Variants in MAGI1 observed in about 807,000 individuals in gnomAD.
MAGI1 encodes membrane-associated guanylate kinase, WW and PDZ domain-containing protein 1.
A neutral mutation model predicts 139.9 loss-of-function variants in MAGI1; 58 were observed. The ratio of observed to expected loss-of-function variants is 0.41; its 90% CI spans 0.34 to 0.52. The LOEUF (loss-of-function observed/expected upper bound fraction) is 0.52. MAGI1 is among the 20% of genes least tolerant of loss of function. The pLI, the probability that MAGI1 is intolerant of heterozygous loss-of-function variation, is 0.12. For synonymous variants in MAGI1, 812 were observed against 737.9 expected (o/e 1.10, Z -1.63); for missense variants, 1,874 against 1,901.6 (o/e 0.99, Z 0.27).
chr3:65,474,610 T>TATACAC (rs1950751994), intron 4 of MAGI1, among the ~76,000 whole-genome samples: 1 of 96,104 alleles, frequency 1.0e-5, no homozygotes, highest in East Asian at 1.0e-3. Flanking sequence ...TCCAAGCTTT[T>TATACAC]ATACACACAC....
intron 1 of MAGI1, among the ~76,000 whole-genome samples, chr3:65,666,289 C>G (rs528330189): frequency 3.3e-5 from 5 of 152,282 alleles, no homozygotes; most frequent in African/African-American, 1.2e-4. Context: ...AAAAGATAAT[C>G]AGAGATACTA....
intron 2 of MAGI1, among the ~76,000 whole-genome samples, chr3:65,564,064 C>T (rs2080492202): frequency 6.6e-6 from 1 of 152,034 alleles, no homozygotes; most frequent in Non-Finnish European, 1.5e-5. Flanking sequence ...ATGCATATCT[C>T]CAGAGGCTGA....
At chr3:65,669,171 G>A (rs1383534431) in intron 1 of MAGI1, among the ~76,000 whole-genome samples, 1 of 152,126 alleles carries the variant, frequency 6.6e-6, no homozygotes, top group Non-Finnish European at 1.5e-5. Context: ...TCCTGACCCT[G>A]TGAGCCATTG....
intron 1 of MAGI1, among the ~76,000 whole-genome samples, chr3:65,656,595 C>T (rs1409265424): frequency 6.6e-6 from 1 of 151,220 alleles, no homozygotes; most frequent in Non-Finnish European, 1.5e-5. Context: ...ACTTCTTACT[C>T]CGAGTGGGGG....
At chr3:65,610,736 T>C (rs547542046) in intron 2 of MAGI1, among the ~76,000 whole-genome samples, 3 of 28,040 alleles carry the variant, frequency 1.1e-4, no homozygotes, top group Non-Finnish European at 3.7e-4. Flanking sequence ...ACAAATATAG[T>C]ATATAGTATA....
chr3:65,508,898 G>A, intron 2 of MAGI1, among the ~76,000 whole-genome samples: 1 of 152,200 alleles, frequency 6.6e-6, no homozygotes, highest in African/African-American at 2.4e-5. Context: ...AGCAACTGCT[G>A]ATCAAGGGCA....
intron 1 of MAGI1, among the ~76,000 whole-genome samples, chr3:65,825,235 C>T (rs554859381): frequency 6.6e-6 from 1 of 152,326 alleles, no homozygotes; most frequent in Non-Finnish European, 1.5e-5. Context: ...ATGGCACATT[C>T]TTTTTTTCCA....
At chr3:65,658,037 G>T (rs1283745341) in intron 1 of MAGI1, among the ~76,000 whole-genome samples, 1 of 152,142 alleles carries the variant, frequency 6.6e-6, no homozygotes, top group African/African-American at 2.4e-5. Context: ...ATAATTTGAG[G>T]TTTAATGTTA....
At chr3:65,465,171 C>G (rs1480682903) in intron 5 of MAGI1, among the ~76,000 whole-genome samples, 1 of 151,028 alleles carries the variant, frequency 6.6e-6, no homozygotes, top group African/African-American at 2.4e-5. Flanking sequence ...TTAAACAGTA[C>G]TATTATTGCT....
At chr3:65,388,567 G>A (rs535643216) in intron 14 of MAGI1, among the ~76,000 whole-genome samples, 2 of 152,188 alleles carry the variant, frequency 1.3e-5, no homozygotes, top group African/African-American at 2.4e-5. Context: ...ATTGATGCAC[G>A]ATCATTCCTA....
chr3:66,032,914 CAAA>C (rs58736926), intron 1 of MAGI1, among the ~76,000 whole-genome samples: 8 of 110,290 alleles, frequency 7.3e-5, no homozygotes, highest in East Asian at 2.5e-4. Context: ...AACTCCATCT[CAAA>C]AAAAAAAAAA....
intron 1 of MAGI1, among the ~76,000 whole-genome samples, chr3:65,848,820 C>G (rs2059098300): frequency 6.6e-6 from 1 of 151,872 alleles, no homozygotes; most frequent in South Asian, 2.1e-4. Flanking sequence ...TGCCATAGTA[C>G]ACACCACAGC....
chr3:65,359,436 G>T, intron 22 of MAGI1: 2 of 1,182,646 alleles, frequency 1.7e-6, no homozygotes, highest in Middle Eastern at 3.5e-4. Flanking sequence ...GTTTTGTTTT[G>T]TTTTTTCAAA....
chr3:65,443,265 TG>T (rs1948467165), intron 7 of MAGI1, among the ~76,000 whole-genome samples: 1 of 152,196 alleles, frequency 6.6e-6, no homozygotes, highest in African/African-American at 2.4e-5. Context: ...AGTACAATAG[TG>T]TTGTTTTGCT....
At chr3:65,505,936 T>A (rs1291398448) in intron 2 of MAGI1, among the ~76,000 whole-genome samples, 2 of 152,150 alleles carry the variant, frequency 1.3e-5, no homozygotes, top group African/African-American at 4.8e-5. Context: ...TACATTTCCA[T>A]AAATAATAAT....
intron 1 of MAGI1, among the ~76,000 whole-genome samples, chr3:65,972,266 T>C (rs931094385): frequency 6.6e-6 from 1 of 152,222 alleles, no homozygotes; most frequent in African/African-American, 2.4e-5. Flanking sequence ...AAGCCATTGT[T>C]GCTAATTCAA....
chr3:65,702,301 C>T (rs1460102176), intron 1 of MAGI1, among the ~76,000 whole-genome samples: 1 of 152,114 alleles, frequency 6.6e-6, no homozygotes, highest in Non-Finnish European at 1.5e-5. Flanking sequence ...CACAACAAAC[C>T]ACCTCTTGGA....
intron 1 of MAGI1, among the ~76,000 whole-genome samples, chr3:65,823,331 AG>A (rs1209745559): frequency 6.6e-6 from 1 of 152,164 alleles, no homozygotes; most frequent in African/African-American, 2.4e-5. Flanking sequence ...TATTTTCTAG[AG>A]GAAAAGGAAA....
At chr3:65,368,500 C>T (rs1941659159) in intron 18 of MAGI1, among the ~76,000 whole-genome samples, 1 of 152,218 alleles carries the variant, frequency 6.6e-6, no homozygotes, top group Non-Finnish European at 1.5e-5. Context: ...TCTTGGGTTT[C>T]AACCTATCTA....
Sources: allele counts gnomAD v4.1 joint callset (sites outside exome capture counted in the v4.1 genomes callset), GRCh38; gene constraint gnomAD v4.1.1; transcripts MANE v1.5; gene names NCBI Gene and HGNC (gene_info 2026-07-23, HGNC 2026-07-21).